ADGRB3: variants seen among roughly 807,000 people sequenced by gnomAD.
ADGRB3 encodes the protein adhesion G protein-coupled receptor B3, also known as brain-specific angiogenesis inhibitor 3.
In ADGRB3, 37 loss-of-function variants were observed where a neutral mutation model predicts 193.4. The observed-to-expected ratio is 0.19, with a 90% CI of 0.15 to 0.25. The LOEUF is 0.25. ADGRB3 is among the 10% of genes least tolerant of loss of function. The pLI, the probability that ADGRB3 is intolerant of heterozygous loss-of-function variation, is 1.00. For synonymous variants in ADGRB3, 690 were observed against 644.2 expected, an observed-to-expected ratio of 1.07 and a Z score of -1.08; for missense variants, 1,637 against 1,852.9, an observed-to-expected ratio of 0.88 and a Z score of 2.14.
chr6:69,272,028 G>C, intron 20 of ADGRB3, among the ~76,000 whole-genome samples: 1 of 151,890 alleles, frequency 6.6e-6, no homozygotes, highest in East Asian at 1.9e-4. Context: ...ACACATTAGG[G>C]CAAAAAATAG....
chr6:69,015,517 C>T (rs919522518), intron 12 of ADGRB3, among the ~76,000 whole-genome samples: 1 of 151,852 alleles, frequency 6.6e-6, no homozygotes, highest in African/African-American at 2.4e-5. Context: ...TAAATGCAGC[C>T]GTGTGGTGAA....
At position 68,911,591 on chromosome 6, in the gene ADGRB3, A is replaced by T. The variant is rs565873758; in HGVS notation, c.758-18968A>T. On this transcript the variant is annotated intron_variant, in intron 3 of 31. Coordinates refer to ENST00000370598, the MANE Select transcript of ADGRB3 (RefSeq NM_001704.3). ...AGAAAGAGAGGTTTAACAATTAAAA[A>T]GAAAGTGCACATTTAGAAGGTATCA... Among the ~76,000 whole-genome samples, 5 of 152,300 alleles carry T rather than the reference A, an allele frequency of 3.3e-5. No homozygotes were observed. The South Asian group carries it at 1.0e-3, about 32-fold the overall frequency.
At chr6:68,973,691 A>C (rs1331645848) in intron 8 of ADGRB3, among the ~76,000 whole-genome samples, 1 of 152,220 alleles carries the variant, frequency 6.6e-6, no homozygotes, top group Non-Finnish European at 1.5e-5. Flanking sequence ...ACACACCATT[A>C]GGTACAAGTG....
At chr6:69,324,835 G>A in intron 20 of ADGRB3, 37 bp from the exon 21 acceptor site, 1 of 1,609,084 alleles carries the variant, frequency 6.2e-7, no homozygotes, top group Non-Finnish European at 8.5e-7. Flanking sequence ...CCTCTCCCAG[G>A]TTCAGTGTGA....
intron 3 of ADGRB3, among the ~76,000 whole-genome samples, chr6:68,918,843 A>G (rs1398958878): frequency 1.3e-5 from 2 of 152,154 alleles, no homozygotes; most frequent in African/African-American, 4.8e-5. Flanking sequence ...ATGCAGGTTA[A>G]GTAGGCATTT....
intron 11 of ADGRB3, among the ~76,000 whole-genome samples, chr6:68,997,010 AG>A (rs1769403811): frequency 1.3e-5 from 2 of 152,216 alleles, no homozygotes; most frequent in African/African-American, 4.8e-5. Flanking sequence ...GTAAAATTAA[AG>A]GGAATATATT....
intron 3 of ADGRB3, among the ~76,000 whole-genome samples, chr6:68,654,471 C>T (rs1452761228): frequency 1.3e-5 from 2 of 151,640 alleles, no homozygotes; most frequent in South Asian, 2.1e-4. Context: ...GAAATTAAAA[C>T]AAAATGAAAA....
intron 17 of ADGRB3, among the ~76,000 whole-genome samples, chr6:69,175,233 T>C (rs996455813): frequency 6.6e-6 from 1 of 152,232 alleles, no homozygotes; most frequent in African/African-American, 2.4e-5. Context: ...AACATTTAAA[T>C]ATAAGAGCTC....
chr6:68,684,975 A>G (rs1193692338), intron 3 of ADGRB3, among the ~76,000 whole-genome samples: 1 of 152,114 alleles, frequency 6.6e-6, no homozygotes, highest in Non-Finnish European at 1.5e-5. Flanking sequence ...AACCCTAAAT[A>G]TTGGTACCAT....
chr6:69,290,257 A>G (rs1767639145), intron 20 of ADGRB3, among the ~76,000 whole-genome samples: 1 of 152,160 alleles, frequency 6.6e-6, no homozygotes, highest in Non-Finnish European at 1.5e-5. Context: ...AGCCTGGCAC[A>G]AGATCTGTGC....
intron 17 of ADGRB3, among the ~76,000 whole-genome samples, chr6:69,098,841 AATT>A (rs1465003770): frequency 6.6e-6 from 1 of 152,206 alleles, no homozygotes; most frequent in Admixed American, 6.5e-5. Context: ...TCAAATAAAA[AATT>A]ATTATAGCTA....
intron 17 of ADGRB3, among the ~76,000 whole-genome samples, chr6:69,222,508 G>C (rs149305269): frequency 6.6e-6 from 1 of 152,162 alleles, no homozygotes; most frequent in East Asian, 1.9e-4. Context: ...ATCACATCTG[G>C]AATTTAAAAG....
chr6:69,204,488 T>C (rs972235969), intron 17 of ADGRB3, among the ~76,000 whole-genome samples: 1 of 152,172 alleles, frequency 6.6e-6, no homozygotes, highest in Admixed American at 6.6e-5. Context: ...CAAAAATCAC[T>C]CATTTGGCTG....
At chr6:69,141,452 A>G (rs1185535073) in intron 17 of ADGRB3, among the ~76,000 whole-genome samples, 1 of 152,136 alleles carries the variant, frequency 6.6e-6, no homozygotes, top group East Asian at 1.9e-4. Context: ...AGGGTGGCCA[A>G]AGAATGCCTC....
chr6:68,975,518 G>C (rs995803698), intron 10 of ADGRB3, among the ~76,000 whole-genome samples, 178 bp downstream of exon 10: 7 of 152,140 alleles, frequency 4.6e-5, no homozygotes, highest in Non-Finnish European at 2.9e-5. Flanking sequence ...AAATTGTTTT[G>C]TTCCTAGGAC....
chr6:68,761,545 T>G (rs1766394366), intron 3 of ADGRB3, among the ~76,000 whole-genome samples: 1 of 151,448 alleles, frequency 6.6e-6, no homozygotes, highest in Non-Finnish European at 1.5e-5. Context: ...CTTGCTTGGT[T>G]GACTTCAGTG....
At chr6:69,041,923 A>T (rs1582416021) in intron 13 of ADGRB3, among the ~76,000 whole-genome samples, 1 of 152,274 alleles carries the variant, frequency 6.6e-6, no homozygotes, top group South Asian at 2.1e-4. Flanking sequence ...AAGTGATATA[A>T]TTTGGCCATG....
chr6:69,363,040 A>G (rs967201436), intron 29 of ADGRB3, among the ~76,000 whole-genome samples: 3 of 152,024 alleles, frequency 2.0e-5, no homozygotes, highest in Non-Finnish European at 4.4e-5. Flanking sequence ...TTTGGTTGTT[A>G]CAAAAATGTT....
chr6:69,346,836 A>G (rs999850525), intron 26 of ADGRB3, among the ~76,000 whole-genome samples: 4 of 152,218 alleles, frequency 2.6e-5, no homozygotes, highest in African/African-American at 9.6e-5. Context: ...CATTTGACCC[A>G]GCAATCCCAT....
Sources: gnomAD v4.1 joint callset for allele counts (sites outside exome capture counted in the v4.1 genomes callset) on GRCh38, gnomAD v4.1.1 for gene constraint, MANE v1.5 for transcripts, NCBI Gene and HGNC (gene_info 2026-07-23, HGNC 2026-07-21) for gene names.